The following RBFOX2 variants were observed in gnomAD, a reference collection of about 807,000 sequenced individuals.
RBFOX2 encodes RNA binding protein fox-1 homolog 2.
In RBFOX2, 10 loss-of-function variants were observed where a neutral mutation model predicts 49.1. The ratio of observed to expected loss-of-function variants is 0.20; its 90% CI spans 0.13 to 0.35. RBFOX2 has a LOEUF of 0.35. Among genes scored for constraint, RBFOX2 ranks in the 10% least tolerant of loss-of-function variants. The probability of loss-of-function intolerance (pLI) is 1.00; values close to 1 mark genes in which losing one functional copy is unlikely to be tolerated. For missense variants in RBFOX2, 323 were observed against 486.9 expected (o/e 0.66, Z 3.17); for synonymous variants, 183 against 187.4 (o/e 0.98, Z 0.19).
chr22:35,867,425 T>C (rs1386486845), intron 1 of RBFOX2, among the ~76,000 whole-genome samples: 1 of 152,242 alleles, frequency 6.6e-6, no homozygotes, highest in Non-Finnish European at 1.5e-5. Flanking sequence ...TTGTAATGAT[T>C]ATATCATGTA....
At chr22:35,850,044 T>C (rs1361325967) in intron 1 of RBFOX2, among the ~76,000 whole-genome samples, 1 of 151,962 alleles carries the variant, frequency 6.6e-6, no homozygotes, top group Non-Finnish European at 1.5e-5. Context: ...GCCAAAATAA[T>C]ATATATGTTC....
intron 1 of RBFOX2, among the ~76,000 whole-genome samples, chr22:35,833,323 A>T (rs1427397139): frequency 6.6e-6 from 1 of 152,226 alleles, no homozygotes; most frequent in Non-Finnish European, 1.5e-5. Context: ...ACATGAAACC[A>T]CTCAATGCAA....
At chr22:35,956,199 C>T (rs1352305369) in intron 1 of RBFOX2, among the ~76,000 whole-genome samples, 2 of 152,164 alleles carry the variant, frequency 1.3e-5, no homozygotes, top group East Asian at 1.9e-4. Context: ...TTCACATTCA[C>T]TAATATCACC....
intron 1 of RBFOX2, among the ~76,000 whole-genome samples, chr22:35,863,991 A>G (rs1048354590): frequency 5.3e-5 from 8 of 152,224 alleles, no homozygotes; most frequent in Non-Finnish European, 8.8e-5. Context: ...AGATCCTGGT[A>G]AAAACTTCTT....
chr22:35,892,474 C>G (rs2047367551), intron 1 of RBFOX2, among the ~76,000 whole-genome samples: 1 of 152,172 alleles, frequency 6.6e-6, no homozygotes, highest in Non-Finnish European at 1.5e-5. Flanking sequence ...AATTAATGAG[C>G]TGCATCTAAC....
intron 1 of RBFOX2, among the ~76,000 whole-genome samples, chr22:36,014,323 C>G (rs56177775): frequency 6.6e-6 from 1 of 152,056 alleles, no homozygotes; most frequent in Non-Finnish European, 1.5e-5. Flanking sequence ...GGGGTTTCAC[C>G]GTGGTCTCGA....
Position 35,744,727 on chromosome 22 carries a change from C to T in RBFOX2, c.1050-478G>A, listed in dbSNP as rs9610346. 3.3e-3 allele frequency among the ~76,000 whole-genome samples: 509 copies of T among 152,312 alleles called. 2 individuals carry two copies. Among genetic ancestry groups the T allele is most frequent in the Middle Eastern group, 0.024 (7 of 294 alleles). On this transcript the variant is annotated intron_variant, in intron 11 of 11. Transcript: ENST00000405409. Reference sequence around the variant, plus strand: ...ACAGCCCATGTTTGAGATGGTGCCACATCTAAACCTGAGCCAGTCTTTAAT... The same window carrying T: ...ACAGCCCATGTTTGAGATGGTGCCATATCTAAACCTGAGCCAGTCTTTAAT...
At chr22:35,868,009 G>A (rs962173019) in intron 1 of RBFOX2, among the ~76,000 whole-genome samples, 2 of 151,992 alleles carry the variant, frequency 1.3e-5, no homozygotes, top group African/African-American at 4.8e-5. Context: ...CTAGGAGTTC[G>A]AGACCAGCCT....
intron 1 of RBFOX2, 132 bp downstream of exon 2, chr22:35,938,715 A>C: frequency 1.3e-6 from 1 of 797,616 alleles, no homozygotes; most frequent in South Asian, 1.7e-5. Context: ...TGTAAAAGTA[A>C]ATTCACTGCT....
At chr22:36,017,019 T>C (rs1383474863) in intron 1 of RBFOX2, among the ~76,000 whole-genome samples, 1 of 152,150 alleles carries the variant, frequency 6.6e-6, no homozygotes, top group Non-Finnish European at 1.5e-5. Flanking sequence ...GCAAGGATTA[T>C]ACAGGACCCC....
chr22:35,902,390 C>G (rs567517666), intron 1 of RBFOX2, among the ~76,000 whole-genome samples: 10 of 152,288 alleles, frequency 6.6e-5, no homozygotes, highest in African/African-American at 2.2e-4. Flanking sequence ...CTGGTTAAAT[C>G]CAATTGTCTG....
At chr22:35,960,103 G>C (rs963275065) in intron 1 of RBFOX2, among the ~76,000 whole-genome samples, 1 of 152,190 alleles carries the variant, frequency 6.6e-6, no homozygotes. Flanking sequence ...CAACTGTACA[G>C]AACAGGGACT....
chr22:35,809,828 G>A (rs750871473), exon 2 of RBFOX2: 13 of 1,613,896 alleles, frequency 8.1e-6, no homozygotes, highest in African/African-American at 4.0e-5. Context: ...TCTGCTCCCC[G>A]TGGGCTTGCG....
intron 1 of RBFOX2, among the ~76,000 whole-genome samples, chr22:35,830,428 C>T (rs1195495571): frequency 2.6e-5 from 4 of 152,082 alleles, no homozygotes; most frequent in Admixed American, 2.6e-4. Flanking sequence ...TGCATCTGGC[C>T]CAAAGTAATA....
chr22:35,818,896 A>G (rs1953800906), intron 1 of RBFOX2, among the ~76,000 whole-genome samples: 1 of 152,234 alleles, frequency 6.6e-6, no homozygotes, highest in African/African-American at 2.4e-5. Flanking sequence ...TGCTTTATAA[A>G]TTTTGTTGGG....
intron 1 of RBFOX2, among the ~76,000 whole-genome samples, chr22:35,916,759 TG>T (rs2050465981): frequency 6.6e-6 from 1 of 151,838 alleles, no homozygotes; most frequent in South Asian, 2.1e-4. Flanking sequence ...CTGGGAATGG[TG>T]GCTCATGCCT....
intron 5 of RBFOX2, among the ~76,000 whole-genome samples, chr22:35,766,029 T>C (rs1474810019): frequency 6.6e-6 from 1 of 152,232 alleles, no homozygotes; most frequent in East Asian, 1.9e-4. Context: ...CATTCTGAAT[T>C]TTCTAGACTA....
upstream of RBFOX2, chr22:35,840,626 G>A: frequency 9.2e-7 from 1 of 1,081,398 alleles, no homozygotes; most frequent in Non-Finnish European, 1.1e-6. Flanking sequence ...GTGTGTGCGT[G>A]TGTGCGTGTG....
chr22:35,909,558 C>T (rs2049529983), intron 1 of RBFOX2, among the ~76,000 whole-genome samples: 1 of 152,140 alleles, frequency 6.6e-6, no homozygotes, highest in Non-Finnish European at 1.5e-5. Flanking sequence ...ATACTAAATA[C>T]AAATATAGTT....
Sources: allele counts gnomAD v4.1 joint callset (sites outside exome capture counted in the v4.1 genomes callset), GRCh38; gene constraint gnomAD v4.1.1; transcripts MANE v1.5; gene names NCBI Gene and HGNC (gene_info 2026-07-23, HGNC 2026-07-21).